Variants in CHIA observed in about 807,000 individuals in gnomAD.
The protein encoded by CHIA is acidic mammalian chitinase.
CHIA carries 47 observed loss-of-function variants against 53.5 expected under a neutral mutation model. The ratio of observed to expected loss-of-function variants is 0.88; its 90% confidence interval spans 0.70 to 1.12. The LOEUF (loss-of-function observed/expected upper bound fraction) is 1.12, where lower values mean the gene tolerates loss of function less well. CHIA is among the 50% of genes most tolerant of loss of function. The pLI, the probability that CHIA is intolerant of heterozygous loss-of-function variation, is 0.00. For missense variants in CHIA, 652 were observed against 592.2 expected, an observed-to-expected ratio of 1.10 and a Z score of -1.05; for synonymous variants, 268 against 222.2, an observed-to-expected ratio of 1.21 and a Z score of -1.83.
chr1:111,296,218 G>C (rs1361995347), intron 1 of CHIA, among the ~76,000 whole-genome samples: 1 of 152,200 alleles, frequency 6.6e-6, no homozygotes, highest in Non-Finnish European at 1.5e-5. Context: ...GGATCTCCCA[G>C]CACAGTGTTT....
chr1:111,311,393 C>A (rs945514193), intron 2 of CHIA, among the ~76,000 whole-genome samples: 6 of 152,170 alleles, frequency 3.9e-5, no homozygotes, highest in Admixed American at 3.9e-4. Context: ...CTACAGTGAT[C>A]AGTTGGTGAT....
At chr1:111,298,904 A>G (rs571651178) in intron 1 of CHIA, among the ~76,000 whole-genome samples, 1 of 152,222 alleles carries the variant, frequency 6.6e-6, no homozygotes, top group African/African-American at 2.4e-5. Context: ...GATAAAGGGG[A>G]TATCACCACC....
At chr1:111,297,407 T>A (rs2101605383) in intron 1 of CHIA, among the ~76,000 whole-genome samples, 1 of 152,036 alleles carries the variant, frequency 6.6e-6, no homozygotes, top group Middle Eastern at 3.4e-3. Context: ...CAGAAGAGAG[T>A]GAGGGCTAAT....
At position 111,317,693 on chromosome 1, in the gene CHIA, G is replaced by A; in HGVS notation, c.493G>A (p.Ala165Thr). ...FTVLVQEMRE[A>T]FEQEAKQINK... ...TATTATTCTGTAGGAAATGCGTGAA[G>A]CTTTTGAGCAGGAGGCCAAGCAGAT... Residue 165 changes from alanine to threonine, a missense_variant, in exon 7 of 12, where the codon GCT becomes ACT. Physicochemically the swap from Ala to Thr is moderately conservative, Grantham distance 58. Coordinates refer to ENST00000369740, the MANE Select transcript of CHIA (RefSeq NM_201653.4). 6.2e-7 allele frequency: 1 copy of A among 1,614,188 alleles called. No homozygotes were observed. The highest frequency in any genetic ancestry group is 8.5e-7 in the Non-Finnish European group (1 of 1,180,014).
At chr1:111,293,535 T>C (rs1277058779) in intron 1 of CHIA, among the ~76,000 whole-genome samples, 2 of 152,208 alleles carry the variant, frequency 1.3e-5, no homozygotes, top group African/African-American at 2.4e-5. Context: ...ATTCCGTGAG[T>C]TGCACTTTTA....
intron 1 of CHIA, among the ~76,000 whole-genome samples, chr1:111,291,328 G>T (rs1661005097): frequency 6.6e-6 from 1 of 152,170 alleles, no homozygotes; most frequent in African/African-American, 2.4e-5. Flanking sequence ...ATACTATGCA[G>T]CCATAAACAG....
intron 1 of CHIA, among the ~76,000 whole-genome samples, chr1:111,291,804 G>T (rs1661037113): frequency 6.8e-6 from 1 of 146,406 alleles, no homozygotes. Context: ...GACACAGGGA[G>T]GGGAGCAACA....
intron 11 of CHIA, among the ~76,000 whole-genome samples, chr1:111,319,933 T>C (rs1209865753): frequency 2.0e-5 from 3 of 152,240 alleles, no homozygotes; most frequent in Non-Finnish European, 4.4e-5. Flanking sequence ...TCTAGAAAAG[T>C]GTTTTGCATA....
intron 1 of CHIA, among the ~76,000 whole-genome samples, chr1:111,303,242 T>C (rs949987357): frequency 6.6e-6 from 1 of 152,078 alleles, no homozygotes; most frequent in Non-Finnish European, 1.5e-5. Context: ...ATTAATATAT[T>C]TATATTTAGA....
intron 1 of CHIA, among the ~76,000 whole-genome samples, chr1:111,299,931 C>G (rs1647568083): frequency 6.6e-6 from 1 of 152,116 alleles, no homozygotes; most frequent in African/African-American, 2.4e-5. Context: ...TTCCTATACA[C>G]CAATAACAGA....
chr1:111,296,415 A>G (rs4839117), intron 1 of CHIA, among the ~76,000 whole-genome samples: 42,369 of 152,146 alleles, frequency 0.28, 6,190 homozygotes, highest in East Asian at 0.36. Flanking sequence ...CTCCACTGGT[A>G]ATACCCAGGC....
At chr1:111,292,186 CAT>C (rs1453166535) in intron 1 of CHIA, among the ~76,000 whole-genome samples, 1 of 152,100 alleles carries the variant, frequency 6.6e-6, no homozygotes, top group African/African-American at 2.4e-5. Context: ...AAATAACTAA[CAT>C]GTGCTAGGCC....
chr1:111,310,271 G>A (rs935240446), intron 1 of CHIA, 129 bp from the exon 2 acceptor site: 31 of 1,101,702 alleles, frequency 2.8e-5, no homozygotes, highest in Non-Finnish European at 3.5e-5. Flanking sequence ...TTGTTGGGCA[G>A]AGAAGGTGGT....
At position 111,318,642 on chromosome 1, in the gene CHIA, C is replaced by G. The variant is rs1213162294; in HGVS notation, c.879C>G (p.Pro293=). Residue 293 remains proline (P), a synonymous_variant, in exon 9 of 12, where the codon CCC becomes CCG. Coordinates refer to ENST00000369740, the MANE Select transcript of CHIA (RefSeq NM_201653.4). ...APTSGAGPAG[P]YAKESGIWAY... is the part of the protein sequence containing the mutation. ...CCTCTGGTGCTGGTCCTGCTGGGCC[C>G]TATGCCAAGGAGTCTGGGATCTGGG... 6.2e-7 allele frequency: 1 copy of G among 1,614,126 alleles called. No individual in the cohort carries two copies. The highest frequency in any genetic ancestry group is 8.5e-7 in the Non-Finnish European group (1 of 1,180,004).
intron 1 of CHIA, among the ~76,000 whole-genome samples, chr1:111,293,435 TTG>T (rs139352525): frequency 2.6e-5 from 4 of 151,614 alleles, no homozygotes; most frequent in East Asian, 4.0e-4. Flanking sequence ...AGTTGTTTGG[TTG>T]TGTGTGTGTG....
intron 1 of CHIA, among the ~76,000 whole-genome samples, chr1:111,306,990 C>T (rs1248336741): frequency 1.3e-5 from 2 of 152,160 alleles, no homozygotes; most frequent in African/African-American, 4.8e-5. Context: ...AATTCTCATA[C>T]GTTGCTGTTG....
At chr1:111,319,084 A>G in intron 9 of CHIA, 36 bp from the exon 10 acceptor site, 1 of 1,591,386 alleles carries the variant, frequency 6.3e-7, no homozygotes. Flanking sequence ...AATGGGAGTA[A>G]CATTTAATAG....
chr1:111,316,826 A>G (rs1249210657), intron 6 of CHIA: 1 of 152,202 alleles, frequency 6.6e-6, no homozygotes, highest in East Asian at 1.9e-4. Context: ...AATGTTAAGT[A>G]ATAGGTGAAA....
chr1:111,301,421 C>A (rs150964782), intron 1 of CHIA, among the ~76,000 whole-genome samples: 1 of 151,736 alleles, frequency 6.6e-6, no homozygotes, highest in African/African-American at 2.4e-5. Flanking sequence ...TGAGTTGGGC[C>A]GGGTGCGGTG....
Sources: allele counts gnomAD v4.1 joint callset (sites outside exome capture counted in the v4.1 genomes callset), GRCh38; gene constraint gnomAD v4.1.1; transcripts MANE v1.5; gene names NCBI Gene and HGNC (gene_info 2026-07-23, HGNC 2026-07-21).